SKAP1: variants seen among roughly 807,000 people sequenced by gnomAD.
SKAP1 encodes the protein src kinase-associated phosphoprotein 1.
Under a neutral mutation model 58.5 loss-of-function variants are expected in SKAP1, and 44 were observed. The ratio of observed to expected loss-of-function variants is 0.75; its 90% CI spans 0.59 to 0.97. SKAP1 has a LOEUF of 0.97. Among genes scored for constraint, SKAP1 ranks in the 50% least tolerant of loss-of-function variants. The probability of loss-of-function intolerance (pLI) is 0.00; values close to 1 mark genes in which losing one functional copy is unlikely to be tolerated. For missense variants in SKAP1, 390 were observed against 435.2 expected, an observed-to-expected ratio of 0.90 and a Z score of 0.92; for synonymous variants, 127 against 149.7, an observed-to-expected ratio of 0.85 and a Z score of 1.11.
At chr17:48,360,451 G>A (rs977014154) in intron 3 of SKAP1, among the ~76,000 whole-genome samples, 12 of 151,946 alleles carry the variant, frequency 7.9e-5, no homozygotes, top group Admixed American at 1.3e-4. Context: ...TTCCCTTATC[G>A]ATATCACCTT....
At chr17:48,266,522 T>TC in intron 4 of SKAP1, among the ~76,000 whole-genome samples, 1 of 150,794 alleles carries the variant, frequency 6.6e-6, no homozygotes, top group East Asian at 1.9e-4. Flanking sequence ...TCTTTTTTTT[T>TC]TTTTTTGAGA....
At chr17:48,324,722 T>C (rs997958883) in intron 4 of SKAP1, among the ~76,000 whole-genome samples, 2 of 152,130 alleles carry the variant, frequency 1.3e-5, no homozygotes, top group South Asian at 4.2e-4. Context: ...TTAAATGTTA[T>C]TGTGTATACT....
intron 4 of SKAP1, among the ~76,000 whole-genome samples, chr17:48,280,477 A>T (rs983963289): frequency 6.6e-6 from 1 of 152,102 alleles, no homozygotes; most frequent in Non-Finnish European, 1.5e-5. Flanking sequence ...ACAGAGTGAG[A>T]CTCTGTCTCA....
chr17:48,397,075 A>G, intron 1 of SKAP1: 1 of 420,682 alleles, frequency 2.4e-6, no homozygotes, highest in Non-Finnish European at 3.2e-6. Context: ...ATATACCTGT[A>G]GGTAACATGT....
rs370871061 is a variant in SKAP1 at position 48,170,669 on chromosome 17, T to C, written c.827-10A>G. The C allele has an allele frequency of 5.7e-5, 92 of 1,611,116 alleles. No homozygotes were observed. In the Middle Eastern group the frequency reaches 6.6e-4, roughly 12 times the overall value. On this transcript the variant is annotated splice_polypyrimidine_tract_variant and intron_variant, in intron 9 of 12. Transcript: ENST00000336915. ...AGATCATGCTCTTCATCTGGGGGGA[T>C]AAATGATCAGTATTAGCAATTAGTG... is the stretch of plus-strand genomic sequence containing the variant.
chr17:48,195,782 G>A (rs149537786), intron 4 of SKAP1, among the ~76,000 whole-genome samples: 1 of 152,234 alleles, frequency 6.6e-6, no homozygotes, highest in Non-Finnish European at 1.5e-5. Flanking sequence ...CAACTTTCAT[G>A]AGACCTCAAT....
chr17:48,139,383 A>G (rs1356972735), intron 11 of SKAP1, among the ~76,000 whole-genome samples: 2 of 146,680 alleles, frequency 1.4e-5, no homozygotes, highest in East Asian at 2.1e-4. Flanking sequence ...GGGTTTCACC[A>G]TGTTGGCCAG....
chr17:48,344,302 A>G (rs1318971922), intron 4 of SKAP1: 1 of 553,522 alleles, frequency 1.8e-6, no homozygotes, highest in Non-Finnish European at 2.3e-6. Context: ...CCCTTCTTCT[A>G]ATTTGAAGCT....
chr17:48,403,718 A>G (rs2067532144), intron 1 of SKAP1, among the ~76,000 whole-genome samples: 1 of 152,112 alleles, frequency 6.6e-6, no homozygotes, highest in Non-Finnish European at 1.5e-5. Flanking sequence ...TAGAAGGAGA[A>G]AATCTTCTGA....
At chr17:48,342,413 T>G (rs1276917052) in intron 4 of SKAP1, among the ~76,000 whole-genome samples, 1 of 152,078 alleles carries the variant, frequency 6.6e-6, no homozygotes, top group Non-Finnish European at 1.5e-5. Flanking sequence ...CTGGCCAGGT[T>G]TCTATATTCT....
At chr17:48,153,705 G>C (rs967745469) in intron 11 of SKAP1, among the ~76,000 whole-genome samples, 1 of 151,856 alleles carries the variant, frequency 6.6e-6, no homozygotes, top group Admixed American at 6.6e-5. Flanking sequence ...GCATTGATCA[G>C]TTTCATCACA....
chr17:48,426,939 AC>A (rs1157082993), intron 1 of SKAP1, among the ~76,000 whole-genome samples: 7 of 151,612 alleles, frequency 4.6e-5, no homozygotes, highest in Non-Finnish European at 1.0e-4. Context: ...GTCCGTTAGC[AC>A]TCTGACCTCT....
intron 1 of SKAP1, among the ~76,000 whole-genome samples, chr17:48,399,447 C>T (rs2067466031): frequency 6.6e-6 from 1 of 152,088 alleles, no homozygotes. Context: ...CACAAACCCA[C>T]AGCTAACATT....
At chr17:48,302,277 A>T (rs1298354104) in intron 4 of SKAP1, among the ~76,000 whole-genome samples, 1 of 152,154 alleles carries the variant, frequency 6.6e-6, no homozygotes, top group Non-Finnish European at 1.5e-5. Flanking sequence ...TCACTACTAT[A>T]ATAATATATT....
intron 1 of SKAP1, among the ~76,000 whole-genome samples, chr17:48,424,476 CAGCCTCCCAA>C (rs1174173502): frequency 1.3e-5 from 2 of 151,366 alleles, no homozygotes; most frequent in Non-Finnish European, 2.9e-5. Context: ...CCGCCCACCT[CAGCCTCCCAA>C]AGTGCTGGGA....
chr17:48,385,473 G>A (rs2067263936), intron 2 of SKAP1, among the ~76,000 whole-genome samples: 1 of 152,118 alleles, frequency 6.6e-6, no homozygotes, highest in Non-Finnish European at 1.5e-5. Context: ...TTAAGAAAGA[G>A]GAAGTCTCTA....
intron 4 of SKAP1, among the ~76,000 whole-genome samples, chr17:48,315,195 T>C (rs1254531327): frequency 6.6e-6 from 1 of 152,160 alleles, no homozygotes; most frequent in Non-Finnish European, 1.5e-5. Flanking sequence ...CATATAATAA[T>C]TTTAGGATTG....
intron 4 of SKAP1, among the ~76,000 whole-genome samples, chr17:48,202,816 A>C (rs2064745930): frequency 6.6e-6 from 1 of 152,224 alleles, no homozygotes; most frequent in Admixed American, 6.5e-5. Flanking sequence ...TACCAAATAC[A>C]TTTGGAAAGT....
At chr17:48,335,347 C>T (rs965434023) in intron 4 of SKAP1, among the ~76,000 whole-genome samples, 1 of 151,908 alleles carries the variant, frequency 6.6e-6, no homozygotes. Flanking sequence ...TTTGCATTGC[C>T]ATCTAAGACA....
Sources: allele counts gnomAD v4.1 joint callset (sites outside exome capture counted in the v4.1 genomes callset), GRCh38; gene constraint gnomAD v4.1.1; transcripts MANE v1.5; gene names NCBI Gene and HGNC (gene_info 2026-07-23, HGNC 2026-07-21).